MCHR2: variants seen among roughly 807,000 people sequenced by gnomAD.
MCHR2 encodes the protein melanin concentrating hormone receptor 2.
MCHR2 carries 15 observed loss-of-function variants against 24.8 expected under a neutral mutation model. That is an observed-to-expected ratio of 0.60 (90% CI 0.40 to 0.93). The LOEUF (loss-of-function observed/expected upper bound fraction) is 0.93, where lower values mean the gene tolerates loss of function less well. Ranked by LOEUF, MCHR2 falls within the 40% of genes least tolerant of loss-of-function variation. The probability of loss-of-function intolerance (pLI) is 0.00; values close to 1 mark genes in which losing one functional copy is unlikely to be tolerated. For synonymous variants in MCHR2, 151 were observed against 147.6 expected (o/e 1.02, Z -0.17); for missense variants, 386 against 408.7 (o/e 0.94, Z 0.48).
rs112421841 is a variant in MCHR2, at chr6:99,941,240, C to CTTT, written c.587+1706_587+1708dup. ...GATTCTGTTACAGTTGGCTTGGAGG[C>CTTT]TTTTTTTTTTTTTTTTCACTTCTCT... On this transcript the variant is annotated intron_variant, in intron 4 of 5. Coordinates refer to ENST00000281806, the MANE Select transcript of MCHR2 (RefSeq NM_001040179.2). Among the ~76,000 whole-genome samples the CTTT allele has an allele frequency of 8.3e-4, 100 of 120,608 alleles. 1 individual carries two copies. The highest frequency in any genetic ancestry group is 1.0e-3 in the Non-Finnish European group (61 of 60,904). 79.1% of individuals were successfully genotyped at this position (120,608 alleles called of 152,430 possible). A position where few individuals can be genotyped will look rare whatever the true frequency, so the allele number is the denominator to read the frequency against.
At chr6:99,991,857 A>G (rs1412538669) in intron 1 of MCHR2, among the ~76,000 whole-genome samples, 2 of 151,636 alleles carry the variant, frequency 1.3e-5, no homozygotes, top group African/African-American at 4.8e-5. Context: ...GCATGCGAAC[A>G]TTGCCTAAAA....
chr6:99,962,689 A>C (rs1775215641), intron 1 of MCHR2, among the ~76,000 whole-genome samples: 1 of 152,130 alleles, frequency 6.6e-6, no homozygotes, highest in Non-Finnish European at 1.5e-5. Context: ...GGTTTTGACA[A>C]TGATTTCTTG....
chr6:99,964,526 G>A, intron 1 of MCHR2, among the ~76,000 whole-genome samples: 1 of 152,060 alleles, frequency 6.6e-6, no homozygotes, highest in Non-Finnish European at 1.5e-5. Flanking sequence ...AGGGTGGCAG[G>A]ATGGAGTGAG....
intron 4 of MCHR2, among the ~76,000 whole-genome samples, chr6:99,936,606 T>A (rs1774665924): frequency 6.6e-6 from 1 of 152,066 alleles, no homozygotes; most frequent in Non-Finnish European, 1.5e-5. Flanking sequence ...TCTAGTAAAT[T>A]TTGAAGTCGG....
chr6:99,987,753 A>G (rs539598487), intron 1 of MCHR2, among the ~76,000 whole-genome samples: 1 of 152,354 alleles, frequency 6.6e-6, no homozygotes, highest in East Asian at 1.9e-4. Flanking sequence ...ATAAAAATTG[A>G]AATAAATGGA....
At position 99,956,037 on chromosome 6, in the gene MCHR2, G is replaced by C. The variant is rs201004220; in HGVS notation, c.111C>G (p.Leu37=). 3 of 1,613,384 alleles carry C rather than the reference G, an allele frequency of 1.9e-6. No individual in the cohort carries two copies. The highest frequency in any genetic ancestry group is 2.5e-6 in the Non-Finnish European group (3 of 1,179,594). ...AACAGATAATCCCAATCATGGAAGG[G>C]AGGATGACTGTATCTACCACACTGG... is the stretch of plus-strand genomic sequence containing the variant. ...QTASVVDTVI[L]PSMIGIICST... is the part of the protein sequence containing the mutation. Residue 37 remains leucine (L), a synonymous_variant, in exon 2 of 6, where the codon CTC becomes CTG. Transcript: ENST00000281806.
chr6:99,958,653 T>A (rs1159097160), intron 1 of MCHR2, among the ~76,000 whole-genome samples: 1 of 152,174 alleles, frequency 6.6e-6, no homozygotes, highest in Non-Finnish European at 1.5e-5. Flanking sequence ...CAATTCCCTT[T>A]GTGAGAAATC....
chr6:99,988,726 G>A (rs1003794682), intron 1 of MCHR2, among the ~76,000 whole-genome samples: 12 of 152,158 alleles, frequency 7.9e-5, no homozygotes, highest in Admixed American at 6.5e-5. Flanking sequence ...TTTACCCTCT[G>A]CCTCTCACTT....
chr6:99,982,600 C>T (rs565277616), intron 1 of MCHR2, among the ~76,000 whole-genome samples: 3 of 151,842 alleles, frequency 2.0e-5, no homozygotes, highest in South Asian at 2.1e-4. Context: ...GATTGCACCA[C>T]TGTACCCTAG....
At chr6:99,942,174 A>C (rs1444490923) in intron 4 of MCHR2, among the ~76,000 whole-genome samples, 3 of 152,172 alleles carry the variant, frequency 2.0e-5, no homozygotes, top group African/African-American at 7.2e-5. Flanking sequence ...AATTAGCACA[A>C]ACTGCATAGC....
chr6:99,993,663 C>T (rs966170533), intron 1 of MCHR2, among the ~76,000 whole-genome samples: 1 of 152,098 alleles, frequency 6.6e-6, no homozygotes, highest in Non-Finnish European at 1.5e-5. Context: ...TTTTTCTTTT[C>T]CCACCTGTGT....
intron 1 of MCHR2, among the ~76,000 whole-genome samples, chr6:99,959,907 AT>A (rs1775145577): frequency 6.6e-6 from 1 of 151,684 alleles, no homozygotes; most frequent in Non-Finnish European, 1.5e-5. Context: ...ATCCATATAC[AT>A]GTTATGGGCA....
At chr6:99,991,800 C>T (rs562618194) in intron 1 of MCHR2, among the ~76,000 whole-genome samples, 32 of 90,764 alleles carry the variant, frequency 3.5e-4, no homozygotes, top group Non-Finnish European at 5.2e-4. Context: ...CAGAGTGAGA[C>T]TCCGTCTCAA....
chr6:99,927,081 A>T (rs1774380159), intron 5 of MCHR2, among the ~76,000 whole-genome samples: 1 of 152,004 alleles, frequency 6.6e-6, no homozygotes, highest in Non-Finnish European at 1.5e-5. Context: ...GGCACCATTT[A>T]TTAAATAGGG....
chr6:99,945,836 A>G (rs1023493991), intron 3 of MCHR2, among the ~76,000 whole-genome samples: 19 of 152,140 alleles, frequency 1.2e-4, no homozygotes, highest in Non-Finnish European at 2.9e-5. Context: ...TACTATGTCC[A>G]TTGGATTAAA....
Position 99,980,250 on chromosome 6 carries a change from T to C in MCHR2, c.-28+13686A>G, listed in dbSNP as rs2114585508. ...TTTCCCAGCACCACAGTCTCACCTATGGGGATGAGTGAGATGTTTTAAAAG... is the reference window on the plus strand; with the variant it reads ...TTTCCCAGCACCACAGTCTCACCTACGGGGATGAGTGAGATGTTTTAAAAG... On this transcript the variant is annotated intron_variant, in intron 1 of 5. Transcript: ENST00000281806. 1.3e-5 allele frequency among the ~76,000 whole-genome samples: 2 copies of C among 152,270 alleles called. 1 individual carries two copies. Among genetic ancestry groups the C allele is most frequent in the Middle Eastern group, 6.8e-3 (2 of 294 alleles).
chr6:99,944,264 G>T (rs1774833911), intron 3 of MCHR2, among the ~76,000 whole-genome samples: 1 of 152,132 alleles, frequency 6.6e-6, no homozygotes, highest in Admixed American at 6.6e-5. Context: ...GCAAATCCAA[G>T]AATTTTTCAG....
intron 5 of MCHR2, 33 bp downstream of exon 5, chr6:99,934,365 T>C: frequency 6.5e-7 from 1 of 1,527,810 alleles, no homozygotes; most frequent in Non-Finnish European, 8.7e-7. Context: ...TCTAAATTGT[T>C]CTTTTAACAA....
rs61636176 is a variant in MCHR2 at position 99,925,504 on chromosome 6, A to G, written c.708-4249T>C. 7.2e-3 allele frequency among the ~76,000 whole-genome samples: 1,099 copies of G among 152,038 alleles called. 14 individuals are homozygous for G. The highest frequency in any genetic ancestry group is 0.025 in the African/African-American group (1,042 of 41,494). ...TTTCCTTCCTGTCTTCCTTTAGTGA[A>G]GGTGATTTTCTCTGGTAATAGGATT... On this transcript the variant is annotated intron_variant, in intron 5 of 5. Transcript: ENST00000281806.
Sources: gnomAD v4.1 joint callset for allele counts (sites outside exome capture counted in the v4.1 genomes callset) on GRCh38, gnomAD v4.1.1 for gene constraint, MANE v1.5 for transcripts, NCBI Gene and HGNC (gene_info 2026-07-23, HGNC 2026-07-21) for gene names.